Variants in RBM6 observed in about 807,000 individuals in gnomAD.
The protein encoded by RBM6 is RNA binding motif protein 6.
In RBM6, 23 loss-of-function variants were observed where a neutral mutation model predicts 140.4. That is an observed-to-expected ratio of 0.16 (90% confidence interval 0.12 to 0.23). The LOEUF (loss-of-function observed/expected upper bound fraction) is 0.23. Ranked by LOEUF, RBM6 falls within the 10% of genes least tolerant of loss-of-function variation. The pLI is 1.00. For missense variants in RBM6, 1,139 were observed against 1,386.7 expected, an observed-to-expected ratio of 0.82 and a Z score of 2.84; for synonymous variants, 439 against 475.6, an observed-to-expected ratio of 0.92 and a Z score of 1.00.
chr3:50,028,319 A>G (rs1019003729), intron 6 of RBM6, among the ~76,000 whole-genome samples: 1 of 152,164 alleles, frequency 6.6e-6, no homozygotes, highest in Admixed American at 6.6e-5. Flanking sequence ...GGTAGTGGTC[A>G]TCTTTTTTCT....
intron 1 of RBM6, among the ~76,000 whole-genome samples, chr3:49,942,098 CAAA>C (rs71631037): frequency 7.2e-6 from 1 of 138,950 alleles, no homozygotes; most frequent in African/African-American, 2.6e-5. Context: ...AAGACTGTCT[CAAA>C]AAAAAAAAAA....
chr3:50,061,787 T>C, intron 14 of RBM6, 175 bp from the exon 15 acceptor site: 1 of 1,236,946 alleles, frequency 8.1e-7, no homozygotes, highest in Non-Finnish European at 1.1e-6. Flanking sequence ...GGACAGTGGG[T>C]GGTCTGAATG....
At chr3:49,970,877 C>A (rs1228632681) in intron 3 of RBM6, among the ~76,000 whole-genome samples, 4 of 151,972 alleles carry the variant, frequency 2.6e-5, no homozygotes, top group Admixed American at 1.3e-4. Context: ...TGCCTGTAAT[C>A]CCAACACTTT....
At chr3:49,975,454 C>G in intron 5 of RBM6, 62 bp downstream of exon 5, 1 of 1,333,700 alleles carries the variant, frequency 7.5e-7, no homozygotes. Flanking sequence ...ATCTCTGCAT[C>G]ATGTGCTACT....
intron 6 of RBM6, among the ~76,000 whole-genome samples, chr3:50,034,502 C>G (rs1044413498): frequency 3.3e-5 from 5 of 152,142 alleles, no homozygotes; most frequent in Admixed American, 2.0e-4. Flanking sequence ...TGGCTCACGC[C>G]TGTAATCCCA....
chr3:50,071,873 C>T (rs1159974664), intron 19 of RBM6, among the ~76,000 whole-genome samples: 1 of 150,530 alleles, frequency 6.6e-6, no homozygotes, highest in Non-Finnish European at 1.5e-5. Flanking sequence ...ATCACAAGGT[C>T]AGGAGTTCGA....
At chr3:49,998,583 C>G (rs892560318) in intron 5 of RBM6, among the ~76,000 whole-genome samples, 11 of 152,136 alleles carry the variant, frequency 7.2e-5, no homozygotes, top group Admixed American at 6.6e-4. Flanking sequence ...CCAGGACTTC[C>G]CAGTCTCGTG....
At chr3:50,066,579 G>A in intron 17 of RBM6, 77 bp downstream of exon 17, 1 of 1,532,088 alleles carries the variant, frequency 6.5e-7, no homozygotes, top group Non-Finnish European at 8.8e-7. Flanking sequence ...TGTAATCCTA[G>A]CACTTTGGGA....
chr3:50,009,888 T>G (rs1273585722), intron 6 of RBM6, among the ~76,000 whole-genome samples: 1 of 151,968 alleles, frequency 6.6e-6, no homozygotes, highest in Non-Finnish European at 1.5e-5. Flanking sequence ...TATTTTTATT[T>G]TTATTTATTT....
chr3:49,947,270 G>C (rs1448990693), intron 1 of RBM6, among the ~76,000 whole-genome samples: 2 of 110,258 alleles, frequency 1.8e-5, no homozygotes, highest in Non-Finnish European at 4.2e-5. Context: ...AAAGGGGGGG[G>C]GGGGGGGTTT....
chr3:50,030,515 A>G (rs919255504), intron 6 of RBM6, among the ~76,000 whole-genome samples: 2 of 152,158 alleles, frequency 1.3e-5, no homozygotes, highest in South Asian at 4.1e-4. Context: ...TGTTTATTTT[A>G]TAGTTTATGA....
chr3:49,972,987 C>T (rs888947563), intron 4 of RBM6, among the ~76,000 whole-genome samples: 9 of 152,138 alleles, frequency 5.9e-5, no homozygotes, highest in East Asian at 1.9e-4. Flanking sequence ...CACACCACCA[C>T]GCCCAGCTAA....
intron 1 of RBM6, among the ~76,000 whole-genome samples, chr3:49,957,291 C>T (rs944380430): frequency 1.8e-4 from 27 of 151,148 alleles, no homozygotes; most frequent in Non-Finnish European, 3.5e-4. Flanking sequence ...TTTTGACTTT[C>T]TTCTCATTTT....
At chr3:49,948,546 C>T (rs1429545902) in intron 1 of RBM6, among the ~76,000 whole-genome samples, 1 of 151,740 alleles carries the variant, frequency 6.6e-6, no homozygotes, top group East Asian at 2.0e-4. Flanking sequence ...AACCTAGTCT[C>T]TACTAAAAAT....
At chr3:50,013,684 A>G (rs2086972054) in intron 6 of RBM6, among the ~76,000 whole-genome samples, 1 of 152,170 alleles carries the variant, frequency 6.6e-6, no homozygotes, top group Non-Finnish European at 1.5e-5. Context: ...TTCTTCCATG[A>G]GACAGCGGGC....
At chr3:49,975,607 C>T (rs1318426160) in intron 5 of RBM6, among the ~76,000 whole-genome samples, 1 of 152,188 alleles carries the variant, frequency 6.6e-6, no homozygotes, top group Non-Finnish European at 1.5e-5. Context: ...TGTTCCAGTT[C>T]TTCTGAATGC....
Position 50,066,335 on chromosome 3 carries a change from C to CCACAGCCCCGCACAG in RBM6, c.2786_2800dup (p.Arg929_Pro933dup), listed in dbSNP as rs776352985. On this transcript the variant is annotated inframe_insertion, in exon 17 of 21. Transcript: ENST00000266022. The stretch of plus-strand genomic sequence containing the variant: ...AGAAGAGGAGGAACAGACCCCTCCC[C>CCACAGCCCCGCACAG]CACAGCCCCGCACAGCACAGCCCCA... 1.2e-6 allele frequency: 2 copies of CCACAGCCCCGCACAG among 1,614,078 alleles called. No homozygotes were observed. Among genetic ancestry groups the CCACAGCCCCGCACAG allele is most frequent in the East Asian group, 2.2e-5 (1 of 44,882 alleles).
At chr3:49,999,037 CTT>C (rs59944289) in intron 5 of RBM6, among the ~76,000 whole-genome samples, 8 of 134,900 alleles carry the variant, frequency 5.9e-5, no homozygotes, top group African/African-American at 1.4e-4. Flanking sequence ...CTCGGGATAC[CTT>C]TTTTTTTTTT....
At chr3:50,026,634 CAA>C (rs1202838550) in intron 6 of RBM6, among the ~76,000 whole-genome samples, 26 of 110,420 alleles carry the variant, frequency 2.4e-4, no homozygotes, top group Non-Finnish European at 2.5e-4. Context: ...CTCTGTCTCT[CAA>C]AAAAAAAAAA....
Sources: gnomAD v4.1 joint callset for allele counts (sites outside exome capture counted in the v4.1 genomes callset) on GRCh38, gnomAD v4.1.1 for gene constraint, MANE v1.5 for transcripts, NCBI Gene and HGNC (gene_info 2026-07-23, HGNC 2026-07-21) for gene names.